The following NEK6 variants were observed in gnomAD, a reference collection of about 807,000 sequenced individuals.
The protein encoded by NEK6 is serine/threonine-protein kinase Nek6.
Under a neutral mutation model 43.5 loss-of-function variants are expected in NEK6, and 27 were observed. The ratio of observed to expected loss-of-function variants is 0.62; its 90% CI spans 0.46 to 0.86. NEK6 has a LOEUF of 0.86. Among genes scored for constraint, NEK6 ranks in the 40% least tolerant of loss-of-function variants. The pLI is 0.00. For missense variants in NEK6, 318 were observed against 414.4 expected, an observed-to-expected ratio of 0.77 and a Z score of 2.02; for synonymous variants, 167 against 164.1, an observed-to-expected ratio of 1.02 and a Z score of -0.14.
At chr9:124,258,961 T>TG (rs1564608430) in intron 1 of NEK6, among the ~76,000 whole-genome samples, 1 of 152,240 alleles carries the variant, frequency 6.6e-6, no homozygotes, top group African/African-American at 2.4e-5. Flanking sequence ...CAGCCAGGCC[T>TG]GGGGGGCTGA....
At chr9:124,306,518 A>G (rs1300710111) in intron 2 of NEK6, among the ~76,000 whole-genome samples, 1 of 152,174 alleles carries the variant, frequency 6.6e-6, no homozygotes, top group African/African-American at 2.4e-5. Flanking sequence ...CCTGGGACTC[A>G]TCTCACTTAG....
chr9:124,273,243 C>G (rs962889873), intron 1 of NEK6, among the ~76,000 whole-genome samples: 1 of 152,156 alleles, frequency 6.6e-6, no homozygotes, highest in African/African-American at 2.4e-5. Flanking sequence ...TCCACATCCA[C>G]CTGCTCTGTC....
intron 1 of NEK6, among the ~76,000 whole-genome samples, chr9:124,297,150 C>G (rs538438227): frequency 1.8e-4 from 28 of 152,338 alleles, no homozygotes; most frequent in South Asian, 2.1e-4. Flanking sequence ...TCCAACAGCC[C>G]CAGCTGTGTC....
chr9:124,308,630 T>C (rs1284800718), intron 2 of NEK6, among the ~76,000 whole-genome samples: 1 of 138,836 alleles, frequency 7.2e-6, no homozygotes, highest in African/African-American at 2.8e-5. Context: ...CGCTCCAGCC[T>C]GGGTGACAAG....
chr9:124,264,975 T>C (rs540000771), intron 1 of NEK6, among the ~76,000 whole-genome samples: 6 of 152,120 alleles, frequency 3.9e-5, no homozygotes, highest in African/African-American at 1.2e-4. Context: ...AGGTTTTGCA[T>C]AGGAGTCATT....
intron 7 of NEK6, among the ~76,000 whole-genome samples, chr9:124,331,311 C>T (rs1458455837): frequency 6.7e-6 from 1 of 149,138 alleles, no homozygotes; most frequent in African/African-American, 2.5e-5. Flanking sequence ...TGTAAATCAT[C>T]ACAAGGCTTA....
intron 7 of NEK6, among the ~76,000 whole-genome samples, chr9:124,333,095 G>A (rs918100888): frequency 1.3e-5 from 2 of 151,532 alleles, no homozygotes; most frequent in Non-Finnish European, 3.0e-5. Flanking sequence ...CAGCTTCCCC[G>A]ACGACTCCTC....
intron 5 of NEK6, among the ~76,000 whole-genome samples, chr9:124,322,543 G>A (rs1834122137): frequency 6.6e-6 from 1 of 152,180 alleles, no homozygotes. Flanking sequence ...CAGCCTCTAG[G>A]TGGAAGCCCC....
intron 7 of NEK6, among the ~76,000 whole-genome samples, chr9:124,335,187 C>T (rs767862017): frequency 3.3e-5 from 5 of 152,158 alleles, no homozygotes; most frequent in Non-Finnish European, 5.9e-5. Context: ...CACTGTTCAC[C>T]GAGAACTGTG....
At chr9:124,267,094 A>G (rs1029368558) in intron 1 of NEK6, among the ~76,000 whole-genome samples, 1 of 152,252 alleles carries the variant, frequency 6.6e-6, no homozygotes, top group African/African-American at 2.4e-5. Context: ...TTTAGAGGGC[A>G]TATCTTTTGG....
intron 1 of NEK6, chr9:124,286,575 C>T (rs756889899): frequency 5.9e-5 from 9 of 152,302 alleles, no homozygotes; most frequent in Non-Finnish European, 1.3e-4. Context: ...TGCTTCTGCC[C>T]ACCTCCTCGT....
chr9:124,310,633 C>T (rs537068917), intron 2 of NEK6, among the ~76,000 whole-genome samples: 18 of 152,226 alleles, frequency 1.2e-4, no homozygotes, highest in South Asian at 2.1e-4. Context: ...GGAGTCTCAC[C>T]GTCACCCAGG....
chr9:124,349,597 C>G (rs1830141567), intron 9 of NEK6, among the ~76,000 whole-genome samples: 1 of 152,206 alleles, frequency 6.6e-6, no homozygotes, highest in South Asian at 2.1e-4. Context: ...GAAAATAAGA[C>G]ACTTTTATTA....
chr9:124,305,457 G>C (rs1263821087), intron 2 of NEK6, among the ~76,000 whole-genome samples: 1 of 151,836 alleles, frequency 6.6e-6, no homozygotes, highest in Non-Finnish European at 1.5e-5. Flanking sequence ...GGGAGGCCAA[G>C]GCATGAGAAT....
intron 1 of NEK6, chr9:124,291,860 G>T (rs1005584598): frequency 4.1e-6 from 4 of 985,346 alleles, no homozygotes; most frequent in Non-Finnish European, 4.8e-6. Context: ...GGTGGCAGCC[G>T]GAGCTATTTT....
chr9:124,298,718 T>A (rs907598076), intron 1 of NEK6, among the ~76,000 whole-genome samples: 1 of 152,202 alleles, frequency 6.6e-6, no homozygotes, highest in African/African-American at 2.4e-5. Flanking sequence ...TCCTGGCTCC[T>A]TTTGTCTGTG....
intron 1 of NEK6, among the ~76,000 whole-genome samples, chr9:124,263,350 C>T (rs1325053670): frequency 1.3e-5 from 2 of 152,188 alleles, no homozygotes; most frequent in South Asian, 2.1e-4. Context: ...CCCCCACAGC[C>T]GCATTGAGAG....
Position 124,270,162 on chromosome 9 carries a change from T to G in NEK6, c.-30+12077T>G, listed in dbSNP as rs530268962. 1.2e-4 allele frequency among the ~76,000 whole-genome samples: 18 copies of G among 152,232 alleles called. 1 individual carries two copies. The South Asian group carries it at 3.1e-3, about 26-fold the overall frequency. ...GGCATCTGCTGCCATTGGTCCTGCCTGTTGCGTTACTTCTCTGTGCCCTGG... is the reference window on the plus strand; with the variant it reads ...GGCATCTGCTGCCATTGGTCCTGCCGGTTGCGTTACTTCTCTGTGCCCTGG... On this transcript the variant is annotated intron_variant, in intron 1 of 9. Coordinates refer to ENST00000320246, the MANE Select transcript of NEK6 (RefSeq NM_014397.6).
chr9:124,277,765 C>T (rs996211974), intron 1 of NEK6, among the ~76,000 whole-genome samples: 2 of 152,190 alleles, frequency 1.3e-5, no homozygotes, highest in African/African-American at 4.8e-5. Flanking sequence ...TTCACGGGAG[C>T]GCGCCCGCAG....
Sources: gnomAD v4.1 joint callset for allele counts (sites outside exome capture counted in the v4.1 genomes callset) on GRCh38, gnomAD v4.1.1 for gene constraint, MANE v1.5 for transcripts, NCBI Gene and HGNC (gene_info 2026-07-23, HGNC 2026-07-21) for gene names.